HAUS6: variants seen among roughly 807,000 people sequenced by gnomAD.
HAUS6 encodes HAUS augmin-like complex subunit 6.
A neutral mutation model predicts 106.8 loss-of-function variants in HAUS6; 80 were observed. The ratio of observed to expected loss-of-function variants is 0.75; its 90% confidence interval spans 0.63 to 0.90. HAUS6 has a LOEUF of 0.90. HAUS6 is among the 40% of genes least tolerant of loss of function. The pLI is 0.00. For synonymous variants in HAUS6, 356 were observed against 379.1 expected (o/e 0.94, Z 0.71); for missense variants, 1,155 against 1,118.1 (o/e 1.03, Z -0.47).
intron 7 of HAUS6, among the ~76,000 whole-genome samples, chr9:19,085,963 T>C (rs980826709): frequency 2.0e-5 from 3 of 151,338 alleles, no homozygotes; most frequent in African/African-American, 7.3e-5. Context: ...ACTCTATCAA[T>C]ATCTTTATAT....
chr9:19,060,472 T>C (rs1049033146), intron 14 of HAUS6, among the ~76,000 whole-genome samples: 1 of 152,206 alleles, frequency 6.6e-6, no homozygotes, highest in Non-Finnish European at 1.5e-5. Flanking sequence ...AAGGAGAGAA[T>C]AGATAAGAAT....
At chr9:19,078,577 C>A (rs1445041235) in intron 9 of HAUS6, among the ~76,000 whole-genome samples, 2 of 152,066 alleles carry the variant, frequency 1.3e-5, no homozygotes, top group Non-Finnish European at 2.9e-5. Context: ...CACCTGAGGT[C>A]AGGAGTTCAA....
chr9:19,090,532 T>A (rs2131147515), intron 4 of HAUS6, among the ~76,000 whole-genome samples: 1 of 152,252 alleles, frequency 6.6e-6, no homozygotes, highest in East Asian at 1.9e-4. Context: ...GCCCGGCTAA[T>A]TTTTTGTAAT....
chr9:19,057,714 C>G, intron 16 of HAUS6: 1 of 422,538 alleles, frequency 2.4e-6, no homozygotes, highest in Non-Finnish European at 4.2e-6. Flanking sequence ...TATTATAAAA[C>G]CTGTAAGCTT....
At chr9:19,102,003 T>C (rs948173392) in intron 1 of HAUS6, among the ~76,000 whole-genome samples, 3 of 152,194 alleles carry the variant, frequency 2.0e-5, no homozygotes, top group Admixed American at 6.5e-5. Flanking sequence ...GTGGAAAAAG[T>C]AGGGAAGGGG....
intron 11 of HAUS6, among the ~76,000 whole-genome samples, chr9:19,076,296 G>T (rs1420353832): frequency 3.9e-5 from 6 of 152,028 alleles, no homozygotes. Context: ...CAAGGCTACA[G>T]TGAGCTGAGA....
intron 11 of HAUS6, 137 bp from the exon 12 acceptor site, chr9:19,070,437 T>C: frequency 1.6e-6 from 1 of 613,184 alleles, no homozygotes. Context: ...TAGGAAAACA[T>C]AATTATTCAA....
At position 19,089,525 on chromosome 9, in the gene HAUS6, T is replaced by C; in HGVS notation, c.471A>G (p.Ile157Met). ...SSHHFVETFN[I>M]KPQDLHKCIA... ...TGCATTTGTGCAAGTCCTGTGGTTT[T>C]ATGTTAAATGTCTCTACAAAATGAT... Residue 157 changes from isoleucine (I) to methionine (M), a missense_variant, in exon 5 of 17, where the codon ATA becomes ATG. Ile to Met is a conservative substitution (Grantham distance 10). Transcript: ENST00000380502. 3.1e-6 allele frequency: 5 copies of C among 1,611,142 alleles called. No homozygotes were observed. The highest frequency in any genetic ancestry group is 4.2e-6 in the Non-Finnish European group (5 of 1,177,372).
At chr9:19,074,510 A>AGTAATAG (rs1337699781) in intron 11 of HAUS6, among the ~76,000 whole-genome samples, 3 of 152,034 alleles carry the variant, frequency 2.0e-5, no homozygotes, top group African/African-American at 7.2e-5. Context: ...GGGCTTAAGC[A>AGTAATAG]ATCTTCCACC....
chr9:19,064,571 C>A (rs550342688), intron 12 of HAUS6, among the ~76,000 whole-genome samples: 5 of 152,128 alleles, frequency 3.3e-5, no homozygotes, highest in Admixed American at 6.5e-5. Flanking sequence ...AAGCCTAAAG[C>A]TTTTCTACTC....
In HAUS6 at chr9:19,076,604, G is replaced by C; in HGVS notation, c.1292C>G (p.Pro431Arg). ...AAAAAAATAAATAAATAACCAACCT[G>C]GAAGTGAAGCAGGATACTGACAAAG... Reference protein sequence around the residue: ...SILCQYPASLPDAHKQHNQEN... With the variant: ...SILCQYPASLRDAHKQHNQEN... Residue 431 changes from proline (P) to arginine (R), a missense_variant and splice_region_variant, in exon 11 of 17, where the codon CCA (proline) becomes CGA (arginine). Physicochemically the swap from Pro to Arg is moderately radical, Grantham distance 103. Around this residue, in one of 3 missense-constraint regions of HAUS6, gnomAD observed 761 missense variants for 690.0 expected, o/e 1.10. Coordinates refer to ENST00000380502, the MANE Select transcript of HAUS6 (RefSeq NM_017645.5). 1 of 1,487,644 alleles carries C rather than the reference G, an allele frequency of 6.7e-7. No individual in the cohort carries two copies. Among genetic ancestry groups the C allele is most frequent in the Non-Finnish European group, 9.3e-7 (1 of 1,070,456 alleles). 92.2% of individuals were successfully genotyped at this position (1,487,644 alleles called of 1,614,324 possible). A position where few individuals can be genotyped will look rare whatever the true frequency, so the allele number is the denominator to read the frequency against.
At chr9:19,093,690 G>A (rs1564020999) in intron 3 of HAUS6, among the ~76,000 whole-genome samples, 1 of 152,116 alleles carries the variant, frequency 6.6e-6, no homozygotes, top group Non-Finnish European at 1.5e-5. Flanking sequence ...CCAACATGGT[G>A]AAACCCCGTC....
intron 2 of HAUS6, among the ~76,000 whole-genome samples, chr9:19,095,161 G>A (rs72696481): frequency 0.035 from 5,278 of 151,418 alleles, 113 homozygotes; most frequent in Non-Finnish European, 0.051. Context: ...ATAACTGTGG[G>A]TGCTATTATT....
intron 11 of HAUS6, among the ~76,000 whole-genome samples, chr9:19,075,483 C>T (rs1283155145): frequency 6.6e-6 from 1 of 152,154 alleles, no homozygotes; most frequent in African/African-American, 2.4e-5. Flanking sequence ...GTGCCTCACA[C>T]CTATAATCCC....
intron 1 of HAUS6, among the ~76,000 whole-genome samples, 179 bp downstream of exon 1, chr9:19,102,345 T>G (rs7864553): frequency 0.12 from 18,364 of 152,222 alleles, 1,192 homozygotes; most frequent in Non-Finnish European, 0.14. Context: ...CATTATTTAC[T>G]GTCTGTCTCT....
rs1257048924 is a variant in HAUS6, at chr9:19,053,266, G to C, written c.*3077C>G. ...ATTCACAATGCATAAAGAAAAAGGT[G>C]ATCTCTAGAGCAACTATGTATCTGC... On this transcript the variant is annotated 3_prime_UTR_variant, in exon 17 of 17. Transcript: ENST00000380502. The C allele has an allele frequency of 4.6e-5, 7 of 152,100 alleles. No individual in the cohort carries two copies. Among genetic ancestry groups the C allele is most frequent in the Admixed American group, 2.0e-4 (3 of 15,266 alleles). The allele number at this position is 152,100 out of a possible 1,614,324, so 9.4% of individuals were successfully genotyped here.
intron 12 of HAUS6, among the ~76,000 whole-genome samples, chr9:19,064,647 C>T (rs1836719846): frequency 6.6e-6 from 1 of 152,190 alleles, no homozygotes; most frequent in South Asian, 2.1e-4. Flanking sequence ...ACTTTCCTTT[C>T]TTCTTATAAC....
At chr9:19,098,539 G>A (rs1313545699) in intron 1 of HAUS6, among the ~76,000 whole-genome samples, 1 of 151,624 alleles carries the variant, frequency 6.6e-6, no homozygotes, top group Non-Finnish European at 1.5e-5. Context: ...TTTGTTGAAT[G>A]AACAAATAAA....
chr9:19,089,650 G>T, intron 4 of HAUS6, 91 bp from the exon 5 acceptor site: 1 of 879,472 alleles, frequency 1.1e-6, no homozygotes, highest in Non-Finnish European at 1.7e-6. Context: ...TAACGTTGGT[G>T]GTATACAATC....
Sources: allele counts gnomAD v4.1 joint callset (sites outside exome capture counted in the v4.1 genomes callset), GRCh38; gene constraint gnomAD v4.1.1; regional missense constraint gnomAD v4.1.1; transcripts MANE v1.5; gene names NCBI Gene and HGNC (gene_info 2026-07-23, HGNC 2026-07-21).